CMPK1: variants seen among roughly 807,000 people sequenced by gnomAD.
CMPK1 encodes cytidine/uridine monophosphate kinase 1.
In CMPK1, 10 loss-of-function variants were observed where a neutral mutation model predicts 25.7. That is an observed-to-expected ratio of 0.39 (90% confidence interval 0.24 to 0.66). The LOEUF is 0.66. Among genes scored for constraint, CMPK1 ranks in the 30% least tolerant of loss-of-function variants. The pLI is 0.48. For missense variants in CMPK1, 199 were observed against 280.5 expected, an observed-to-expected ratio of 0.71 and a Z score of 2.08; for synonymous variants, 106 against 101.5, an observed-to-expected ratio of 1.04 and a Z score of -0.27.
intron 1 of CMPK1, chr1:47,358,958 T>A: frequency 1.0e-6 from 1 of 984,482 alleles, no homozygotes; most frequent in Non-Finnish European, 1.2e-6. Context: ...GGGCCAACTT[T>A]CTTGCTTTTG....
chr1:47,373,774 C>CT (rs1326889598), intron 3 of CMPK1, among the ~76,000 whole-genome samples: 7 of 148,340 alleles, frequency 4.7e-5, no homozygotes, highest in Non-Finnish European at 8.9e-5. Flanking sequence ...CCAGCCTGGG[C>CT]GACAGAGCAA....
chr1:47,337,139 C>T (rs1407642429), intron 1 of CMPK1, among the ~76,000 whole-genome samples: 8 of 152,082 alleles, frequency 5.3e-5, no homozygotes, highest in East Asian at 1.9e-4. Context: ...AAAAATTAGC[C>T]GGGCGTGGTG....
chr1:47,340,294 G>A (rs1397445296), intron 1 of CMPK1, among the ~76,000 whole-genome samples: 1 of 147,190 alleles, frequency 6.8e-6, no homozygotes, highest in African/African-American at 2.5e-5. Flanking sequence ...CCCAGAGCAA[G>A]ACTCCGTCTC....
chr1:47,337,800 A>G (rs1166528013), intron 1 of CMPK1, among the ~76,000 whole-genome samples: 1 of 151,840 alleles, frequency 6.6e-6, no homozygotes, highest in East Asian at 1.9e-4. Flanking sequence ...TTTAGTAGAG[A>G]CGGGGTTTCA....
rs1284050846 is a variant in CMPK1, at chr1:47,343,598, A to G, written c.171+9482A>G. On this transcript the variant is annotated intron_variant, in intron 1 of 5. Transcript: ENST00000371873. ...TTTTTTGAGAGCCAGGCACTGTGATATTGGTTGTTGAGTTGAGTCAGAAGA... is the reference window on the plus strand; with the variant it reads ...TTTTTTGAGAGCCAGGCACTGTGATGTTGGTTGTTGAGTTGAGTCAGAAGA... Among the ~76,000 whole-genome samples, 3 of 151,734 alleles carry G rather than the reference A, an allele frequency of 2.0e-5. No homozygotes were observed. The East Asian group carries it at 5.9e-4, about 30-fold the overall frequency.
At chr1:47,352,094 G>C (rs868740852) in intron 1 of CMPK1, among the ~76,000 whole-genome samples, 1 of 152,062 alleles carries the variant, frequency 6.6e-6, no homozygotes, top group South Asian at 2.1e-4. Flanking sequence ...CTGAGATTGC[G>C]CCACTGCACT....
At chr1:47,342,649 CTTTTT>C (rs11334963) in intron 1 of CMPK1, among the ~76,000 whole-genome samples, 55 of 116,426 alleles carry the variant, frequency 4.7e-4, no homozygotes, top group Non-Finnish European at 7.1e-4. Context: ...TCTCTTTTTT[CTTTTT>C]TTTTTTTTTT....
chr1:47,371,994 A>G (rs906561503), intron 2 of CMPK1, among the ~76,000 whole-genome samples: 2 of 152,034 alleles, frequency 1.3e-5, no homozygotes, highest in African/African-American at 4.8e-5. Flanking sequence ...CACTTTCCCA[A>G]ATCCATTCAG....
At chr1:47,357,526 C>T (rs1646570373) in intron 1 of CMPK1, among the ~76,000 whole-genome samples, 1 of 149,706 alleles carries the variant, frequency 6.7e-6, no homozygotes, top group African/African-American at 2.5e-5. Context: ...GCTCTATTGC[C>T]TTGGCTGAAG....
At chr1:47,367,280 T>G (rs1011002400) in intron 1 of CMPK1, among the ~76,000 whole-genome samples, 5 of 152,248 alleles carry the variant, frequency 3.3e-5, no homozygotes, top group Non-Finnish European at 5.9e-5. Flanking sequence ...GCAAATAAAC[T>G]ATTTAGAGTT....
At chr1:47,374,657 G>GA (rs941918039) in intron 3 of CMPK1, among the ~76,000 whole-genome samples, 62 of 151,666 alleles carry the variant, frequency 4.1e-4, no homozygotes, top group Admixed American at 1.6e-3. Flanking sequence ...ATTACAGTTT[G>GA]AAAAAAAATA....
intron 1 of CMPK1, among the ~76,000 whole-genome samples, chr1:47,366,517 T>C (rs1030335244): frequency 4.6e-5 from 7 of 152,136 alleles, no homozygotes; most frequent in African/African-American, 1.7e-4. Context: ...TTGCTGCAAC[T>C]GTGGTAAGAG....
At chr1:47,363,947 GA>G (rs77803225) in intron 1 of CMPK1, among the ~76,000 whole-genome samples, 10,092 of 151,810 alleles carry the variant, frequency 0.066, 579 homozygotes, top group East Asian at 0.3. Flanking sequence ...CGTCTAAAAG[GA>G]AAAAAAATGT....
intron 1 of CMPK1, among the ~76,000 whole-genome samples, chr1:47,357,171 G>A (rs1646566635): frequency 6.6e-6 from 1 of 151,658 alleles, no homozygotes; most frequent in East Asian, 2.0e-4. Context: ...CACCGTGTTA[G>A]CCAGGATGGT....
At chr1:47,357,065 G>A (rs1570366868) in intron 1 of CMPK1, among the ~76,000 whole-genome samples, 1 of 149,644 alleles carries the variant, frequency 6.7e-6, no homozygotes, top group African/African-American at 2.5e-5. Flanking sequence ...CTGGGTTCAC[G>A]CCATTCTCCT....
At chr1:47,353,333 A>G (rs887496746) in intron 1 of CMPK1, among the ~76,000 whole-genome samples, 3 of 152,198 alleles carry the variant, frequency 2.0e-5, no homozygotes, top group Non-Finnish European at 4.4e-5. Flanking sequence ...TAGGCTATAA[A>G]ACTGGACTGT....
chr1:47,376,463 CCGCCACCA>C (rs1319188111), intron 5 of CMPK1, among the ~76,000 whole-genome samples: 4 of 151,882 alleles, frequency 2.6e-5, no homozygotes, highest in Non-Finnish European at 4.4e-5. Context: ...TTACAGGTGC[CCGCCACCA>C]CGCCTGGCTG....
At chr1:47,349,837 G>A (rs568302640) in intron 1 of CMPK1, among the ~76,000 whole-genome samples, 61 of 152,156 alleles carry the variant, frequency 4.0e-4, no homozygotes, top group Admixed American at 1.6e-3. Context: ...ACAGGGTCTC[G>A]CTCTGTTGAC....
intron 1 of CMPK1, among the ~76,000 whole-genome samples, chr1:47,351,418 G>C (rs1335789768): frequency 6.6e-6 from 1 of 152,104 alleles, no homozygotes; most frequent in East Asian, 1.9e-4. Flanking sequence ...GCATGTATCA[G>C]AACTTCCTTT....
Sources: allele counts gnomAD v4.1 joint callset (sites outside exome capture counted in the v4.1 genomes callset), GRCh38; gene constraint gnomAD v4.1.1; transcripts MANE v1.5; gene names NCBI Gene and HGNC (gene_info 2026-07-23, HGNC 2026-07-21).